The following KPNA3 variants were observed in gnomAD, a reference collection of about 807,000 sequenced individuals.
KPNA3 encodes importin subunit alpha-4.
KPNA3 carries 13 observed loss-of-function variants against 73.8 expected under a neutral mutation model. That is an observed-to-expected ratio of 0.18 (90% CI 0.11 to 0.28). KPNA3 has a LOEUF of 0.28. KPNA3 is among the 10% of genes least tolerant of loss of function. The pLI, the probability that KPNA3 is intolerant of heterozygous loss-of-function variation, is 1.00. For missense variants in KPNA3, 360 were observed against 618.1 expected (o/e 0.58, Z 4.43); for synonymous variants, 186 against 206.9 (o/e 0.90, Z 0.87).
At chr13:49,741,090 G>A (rs1954569608) in intron 2 of KPNA3, among the ~76,000 whole-genome samples, 1 of 152,130 alleles carries the variant, frequency 6.6e-6, no homozygotes, top group Non-Finnish European at 1.5e-5. Context: ...GTATTGTGAT[G>A]CAATAAACAT....
At chr13:49,702,508 CTGG>C in intron 15 of KPNA3, 28 bp from the exon 16 acceptor site, 1 of 1,218,192 alleles carries the variant, frequency 8.2e-7, no homozygotes, top group Non-Finnish European at 1.2e-6. Flanking sequence ...ATCAAAATAA[CTGG>C]TTAATTGATA....
chr13:49,777,071 C>CT (rs1396304019), intron 1 of KPNA3, among the ~76,000 whole-genome samples: 2 of 152,180 alleles, frequency 1.3e-5, no homozygotes, highest in African/African-American at 4.8e-5. Context: ...TACTGAATTC[C>CT]TTTTTTCCTG....
chr13:49,731,693 T>G (rs183889206), intron 6 of KPNA3, among the ~76,000 whole-genome samples: 38 of 152,326 alleles, frequency 2.5e-4, no homozygotes, highest in Admixed American at 2.4e-3. Context: ...TTAATATGTT[T>G]TGGAGTTCAA....
chr13:49,780,590 T>C (rs1470758060), intron 1 of KPNA3, among the ~76,000 whole-genome samples: 1 of 152,184 alleles, frequency 6.6e-6, no homozygotes, highest in East Asian at 1.9e-4. Context: ...ACCAAAGCAA[T>C]GCTTCTAAAT....
chr13:49,708,862 TATG>T (rs1216822797), intron 12 of KPNA3, among the ~76,000 whole-genome samples: 1 of 152,220 alleles, frequency 6.6e-6, no homozygotes, highest in African/African-American at 2.4e-5. Flanking sequence ...AGTAATTTTT[TATG>T]ATCCTTGAAT....
At chr13:49,720,215 C>CT (rs1954342217) in intron 9 of KPNA3, among the ~76,000 whole-genome samples, 1 of 152,154 alleles carries the variant, frequency 6.6e-6, no homozygotes, top group African/African-American at 2.4e-5. Context: ...GTCTCACTTA[C>CT]CTGCTTAACG....
chr13:49,704,412 CAAA>C (rs975118692), intron 15 of KPNA3, among the ~76,000 whole-genome samples: 1 of 117,950 alleles, frequency 8.5e-6, no homozygotes, highest in Non-Finnish European at 1.8e-5. Context: ...AACTCTGTCT[CAAA>C]AAAAAAATAA....
chr13:49,764,128 TTTTGTTTTGTTTTG>T (rs1315519864), intron 1 of KPNA3, among the ~76,000 whole-genome samples: 3 of 48,244 alleles, frequency 6.2e-5, no homozygotes, highest in Non-Finnish European at 1.7e-4. Flanking sequence ...GTTTGTTTTG[TTTTGTTTTGTTTTG>T]TTTTTTTGAG....
chr13:49,723,641 G>A (rs1173840160), intron 7 of KPNA3, among the ~76,000 whole-genome samples: 1 of 151,446 alleles, frequency 6.6e-6, no homozygotes, highest in Non-Finnish European at 1.5e-5. Context: ...GGGAAGCGAG[G>A]CGGGCAGATC....
At chr13:49,752,416 C>T (rs1259338312) in intron 1 of KPNA3, among the ~76,000 whole-genome samples, 1 of 152,082 alleles carries the variant, frequency 6.6e-6, no homozygotes, top group Non-Finnish European at 1.5e-5. Context: ...AAAGGATTGG[C>T]GTTGAAGCCC....
Position 49,731,877 on chromosome 13 carries a change from A to G in KPNA3, c.383+494T>C, listed in dbSNP as rs576988823. Reference sequence around the variant, plus strand: ...CCTTATTCTTAATTTGCAGCAAACAAAAAGTCTGACATTGGACAACTTATC... The same window carrying G: ...CCTTATTCTTAATTTGCAGCAAACAGAAAGTCTGACATTGGACAACTTATC... On this transcript the variant is annotated intron_variant, in intron 6 of 16. Transcript: ENST00000261667. Among the ~76,000 whole-genome samples, 4 of 152,342 alleles carry G rather than the reference A, an allele frequency of 2.6e-5. No individual in the cohort carries two copies. The South Asian group carries it at 8.3e-4, about 32-fold the overall frequency.
At chr13:49,781,236 T>C (rs1380121200) in intron 1 of KPNA3, among the ~76,000 whole-genome samples, 1 of 152,148 alleles carries the variant, frequency 6.6e-6, no homozygotes, top group Non-Finnish European at 1.5e-5. Context: ...ACAGGAAATA[T>C]TTACTTGCTT....
chr13:49,781,315 T>C (rs886411961), intron 1 of KPNA3, among the ~76,000 whole-genome samples: 41 of 152,226 alleles, frequency 2.7e-4, no homozygotes, highest in African/African-American at 8.9e-4. Flanking sequence ...GGAAAATGGC[T>C]ATTAAGGGCA....
At chr13:49,716,121 G>A (rs1954302164) in intron 10 of KPNA3, among the ~76,000 whole-genome samples, 1 of 152,118 alleles carries the variant, frequency 6.6e-6, no homozygotes, top group Admixed American at 6.6e-5. Context: ...GCTACAGCTG[G>A]GTGTTAGGCA....
chr13:49,785,114 A>G (rs984134683), intron 1 of KPNA3, among the ~76,000 whole-genome samples: 8 of 152,186 alleles, frequency 5.3e-5, no homozygotes, highest in Admixed American at 4.6e-4. Context: ...GTATAAGCAT[A>G]TAAGAAGTTC....
intron 1 of KPNA3, among the ~76,000 whole-genome samples, chr13:49,755,571 C>T (rs754223810): frequency 2.0e-5 from 3 of 151,836 alleles, no homozygotes; most frequent in Non-Finnish European, 4.4e-5. Context: ...CTGAGGAGGG[C>T]GGATCACGAG....
chr13:49,788,713 CCCT>C (rs1209507791), intron 1 of KPNA3, among the ~76,000 whole-genome samples: 29 of 118,056 alleles, frequency 2.5e-4, no homozygotes, highest in African/African-American at 9.8e-4. Context: ...CAGAGCCAGA[CCCT>C]CTTTTTTTTT....
Position 49,761,929 on chromosome 13 carries a change from C to T in KPNA3, c.70-14936G>A, listed in dbSNP as rs1954766457. Among the ~76,000 whole-genome samples, 6 of 151,988 alleles carry T rather than the reference C, an allele frequency of 3.9e-5. 1 individual carries two copies. The South Asian group carries it at 1.2e-3, about 32-fold the overall frequency. ...GGTGAGGAGCGTCTCTGCCCAGCCA[C>T]CCCGTCTGAGAAGTGAGGAGCCCCT... On this transcript the variant is annotated intron_variant, in intron 1 of 16. Coordinates refer to ENST00000261667, the MANE Select transcript of KPNA3 (RefSeq NM_002267.4).
At chr13:49,738,813 ACCTTT>A (rs1476257122) in intron 2 of KPNA3, among the ~76,000 whole-genome samples, 7 of 152,192 alleles carry the variant, frequency 4.6e-5, no homozygotes, top group African/African-American at 1.7e-4. Flanking sequence ...CAAACTACAT[ACCTTT>A]CATTTCTTTT....
Sources: allele counts gnomAD v4.1 joint callset (sites outside exome capture counted in the v4.1 genomes callset), GRCh38; gene constraint gnomAD v4.1.1; transcripts MANE v1.5; gene names NCBI Gene and HGNC (gene_info 2026-07-23, HGNC 2026-07-21).